The following NINJ2 variants were observed in gnomAD, a reference collection of about 807,000 sequenced individuals.
NINJ2 encodes ninjurin 2.
Under a neutral mutation model 11.7 loss-of-function variants are expected in NINJ2, and 12 were observed. That is an observed-to-expected ratio of 1.02 (90% confidence interval 0.66 to 1.66). The LOEUF (loss-of-function observed/expected upper bound fraction) is 1.66. NINJ2 is among the 40% of genes most tolerant of loss of function. The probability of loss-of-function intolerance (pLI) is 0.00; values close to 1 mark genes in which losing one functional copy is unlikely to be tolerated. For synonymous variants in NINJ2, 93 were observed against 76.8 expected, an observed-to-expected ratio of 1.21 and a Z score of -1.10; for missense variants, 187 against 181.8, an observed-to-expected ratio of 1.03 and a Z score of -0.16.
intron 1 of NINJ2, among the ~76,000 whole-genome samples, chr12:605,440 G>C (rs1947929927): frequency 6.6e-6 from 1 of 152,214 alleles, no homozygotes; most frequent in South Asian, 2.1e-4. Flanking sequence ...TGTGCCTGTA[G>C]TCCCAGCTAT....
At chr12:569,959 G>T (rs1163361060) in intron 1 of NINJ2, among the ~76,000 whole-genome samples, 1 of 152,156 alleles carries the variant, frequency 6.6e-6, no homozygotes. Flanking sequence ...ACGTGACTTG[G>T]GCGCCGCGGC....
intron 1 of NINJ2, among the ~76,000 whole-genome samples, chr12:608,571 A>G (rs1393369650): frequency 6.6e-6 from 1 of 152,236 alleles, no homozygotes; most frequent in African/African-American, 2.4e-5. Flanking sequence ...AACCCAGGCA[A>G]TCTGGCTCCA....
At position 628,853 on chromosome 12, in the gene NINJ2, G is replaced by A. The variant is rs150757809; in HGVS notation, c.33+34475C>T. ...ACCAGCACCATGGCAGTTTACAAAT[G>A]CCATGGCAACACCTGGAAATTATCC... On this transcript the variant is annotated intron_variant, in intron 1 of 3. Transcript: ENST00000305108. This position sits in a 1 kb window ranked among gnomAD's most constrained non-coding sequence, Gnocchi z 4.4. Among the ~76,000 whole-genome samples, 2,455 of 152,256 alleles carry A rather than the reference G, an allele frequency of 0.016. 70 individuals are homozygous for A. Among genetic ancestry groups the A allele is most frequent in the African/African-American group, 0.055 (2,304 of 41,528 alleles).
At chr12:621,817 G>GAAA (rs544238368) in intron 1 of NINJ2, among the ~76,000 whole-genome samples, 6 of 126,674 alleles carry the variant, frequency 4.7e-5, no homozygotes, top group Non-Finnish European at 4.9e-5. Context: ...CTCCGTCTCA[G>GAAA]AAAAAAAAAA....
intron 1 of NINJ2, among the ~76,000 whole-genome samples, chr12:568,148 T>C (rs558863008): frequency 2.0e-5 from 3 of 152,244 alleles, no homozygotes; most frequent in Admixed American, 6.5e-5. Context: ...CATATTTTTA[T>C]TGGACTAATT....
intron 1 of NINJ2, among the ~76,000 whole-genome samples, chr12:610,818 C>G (rs1014244689): frequency 1.1e-4 from 16 of 148,026 alleles, no homozygotes; most frequent in African/African-American, 3.8e-4. Context: ...ACTGCAACCT[C>G]TGCCCTCCAG....
At chr12:658,986 C>T (rs2120547837) in intron 1 of NINJ2, among the ~76,000 whole-genome samples, 1 of 150,338 alleles carries the variant, frequency 6.7e-6, no homozygotes, top group Middle Eastern at 3.4e-3. Context: ...TGCCATGAAC[C>T]TAAAACTGCT....
intron 1 of NINJ2, among the ~76,000 whole-genome samples, chr12:603,050 T>G (rs1363332132): frequency 6.6e-6 from 1 of 152,148 alleles, no homozygotes; most frequent in Non-Finnish European, 1.5e-5. Flanking sequence ...TTGCCCAGGC[T>G]GGTCTTGAAC....
chr12:589,540 G>C (rs185360689), intron 1 of NINJ2: 1 of 152,276 alleles, frequency 6.6e-6, no homozygotes, highest in African/African-American at 2.4e-5. Context: ...TTTGGTTTCA[G>C]TAAAAACCAG....
At chr12:601,818 A>G (rs1490924316) in intron 1 of NINJ2, among the ~76,000 whole-genome samples, 1 of 152,224 alleles carries the variant, frequency 6.6e-6, no homozygotes, top group Non-Finnish European at 1.5e-5. Context: ...GTGAACCAAG[A>G]TCATGCCAAG....
intron 1 of NINJ2, among the ~76,000 whole-genome samples, chr12:605,526 C>T (rs912643534): frequency 1.1e-4 from 16 of 152,164 alleles, no homozygotes; most frequent in African/African-American, 3.6e-4. Flanking sequence ...CACCACTGCG[C>T]TCCAGCCGGA....
intron 1 of NINJ2, among the ~76,000 whole-genome samples, chr12:616,159 C>T (rs922006439): frequency 7.9e-5 from 12 of 152,152 alleles, no homozygotes; most frequent in African/African-American, 2.2e-4. Context: ...GTTGCCTGGA[C>T]TAGATTTTGA....
At chr12:637,470 G>C (rs911865347) in intron 1 of NINJ2, among the ~76,000 whole-genome samples, 4 of 151,664 alleles carry the variant, frequency 2.6e-5, no homozygotes, top group Non-Finnish European at 5.9e-5. Context: ...TGAAACCCCC[G>C]TCTCTACTAA....
Position 564,469 on chromosome 12 carries a change from A to G in NINJ2, c.*231T>C, listed in dbSNP as rs1369720452. The G allele has an allele frequency of 6.6e-6, 1 of 152,266 alleles. No individual in the cohort carries two copies. The highest frequency in any genetic ancestry group is 2.4e-5 in the African/African-American group (1 of 41,470). 9.4% of individuals were successfully genotyped at this position (152,266 alleles called of 1,614,324 possible). On this transcript the variant is annotated 3_prime_UTR_variant, in exon 4 of 4. Coordinates refer to ENST00000305108, the MANE Select transcript of NINJ2 (RefSeq NM_016533.6). ...GTCCAGCAGATGCTACCAGGAAGGT[A>G]TGGCTGGCAGTACCTGCGTCTGAGC... is the stretch of plus-strand genomic sequence containing the variant.
intron 1 of NINJ2, chr12:645,517 A>C (rs1937663556): frequency 6.6e-6 from 1 of 152,212 alleles, no homozygotes; most frequent in Admixed American, 6.5e-5. Context: ...TCTGAGATAA[A>C]AATTATTATC....
chr12:623,149 G>A (rs760882127), intron 1 of NINJ2, among the ~76,000 whole-genome samples: 1 of 152,202 alleles, frequency 6.6e-6, no homozygotes, highest in Non-Finnish European at 1.5e-5. Flanking sequence ...CTGGGCAGCT[G>A]GTGCAAGGTG....
At chr12:621,906 G>T (rs1238686382) in intron 1 of NINJ2, among the ~76,000 whole-genome samples, 1 of 152,074 alleles carries the variant, frequency 6.6e-6, no homozygotes, top group Non-Finnish European at 1.5e-5. Context: ...GGCCGAGGTG[G>T]GTGGATCACA....
intron 2 of NINJ2, 59 bp from the exon 3 acceptor site, chr12:565,460 C>G (rs112191279): frequency 1.3e-6 from 2 of 1,528,074 alleles, no homozygotes; most frequent in Non-Finnish European, 1.8e-6. Context: ...ACGGAGCTGC[C>G]CCCACAACAC....
At chr12:590,260 G>A (rs1228096525) in intron 1 of NINJ2, among the ~76,000 whole-genome samples, 1 of 152,154 alleles carries the variant, frequency 6.6e-6, no homozygotes, top group East Asian at 1.9e-4. Context: ...AGGATGGGCT[G>A]GAGCGGAGAG....
Sources: allele counts gnomAD v4.1 joint callset (sites outside exome capture counted in the v4.1 genomes callset), GRCh38; gene constraint gnomAD v4.1.1; non-coding constraint Gnocchi (gnomAD v3.1); transcripts MANE v1.5; gene names NCBI Gene and HGNC (gene_info 2026-07-23, HGNC 2026-07-21).